The following PDE4D variants were observed in gnomAD, a reference collection of about 807,000 sequenced individuals.
PDE4D encodes 3',5'-cyclic-AMP phosphodiesterase 4D.
Under a neutral mutation model 87.4 loss-of-function variants are expected in PDE4D, and 24 were observed. The observed-to-expected ratio is 0.27, with a 90% CI of 0.20 to 0.39. The LOEUF (loss-of-function observed/expected upper bound fraction) is 0.39. Ranked by LOEUF, PDE4D falls within the 10% of genes least tolerant of loss-of-function variation. The pLI is 1.00. For synonymous variants in PDE4D, 384 were observed against 383.2 expected (o/e 1.00, Z -0.02); for missense variants, 714 against 1,041.0 (o/e 0.69, Z 4.32).
At chr5:59,714,607 T>C (rs1384557190) in intron 1 of PDE4D, among the ~76,000 whole-genome samples, 1 of 152,238 alleles carries the variant, frequency 6.6e-6, no homozygotes, top group African/African-American at 2.4e-5. Flanking sequence ...TGATGGAATT[T>C]GGACAGTGCC....
chr5:60,255,688 T>C (rs1469280373), intron 1 of PDE4D, among the ~76,000 whole-genome samples: 1 of 151,748 alleles, frequency 6.6e-6, no homozygotes. Flanking sequence ...TATCACCAAC[T>C]ACTCAAAAGT....
intron 3 of PDE4D, among the ~76,000 whole-genome samples, chr5:59,906,270 G>C (rs1396517317): frequency 2.0e-5 from 3 of 152,092 alleles, no homozygotes; most frequent in Non-Finnish European, 4.4e-5. Flanking sequence ...GATACAGTGT[G>C]GGTCAGGTTC....
chr5:60,458,152 A>G (rs753570670), intron 1 of PDE4D, among the ~76,000 whole-genome samples: 7 of 152,154 alleles, frequency 4.6e-5, no homozygotes, highest in Non-Finnish European at 1.0e-4. Context: ...TGGGAGGCCA[A>G]GGCGGGTGGA....
intron 1 of PDE4D, among the ~76,000 whole-genome samples, chr5:60,257,875 G>C (rs1290031986): frequency 6.6e-6 from 1 of 151,936 alleles, no homozygotes; most frequent in Non-Finnish European, 1.5e-5. Context: ...CAGACAAGCT[G>C]TTATCAATTT....
chr5:59,136,461 T>C (rs1429723730), intron 5 of PDE4D, among the ~76,000 whole-genome samples: 1 of 152,218 alleles, frequency 6.6e-6, no homozygotes, highest in African/African-American at 2.4e-5. Context: ...GTATTAATTG[T>C]AGTAAAAACT....
At chr5:59,290,458 G>A (rs1276471360) in intron 1 of PDE4D, among the ~76,000 whole-genome samples, 1 of 151,952 alleles carries the variant, frequency 6.6e-6, no homozygotes, top group Non-Finnish European at 1.5e-5. Flanking sequence ...CTAAGACTCT[G>A]AACTATGAAA....
In PDE4D at chr5:58,972,009, AAG is replaced by A. The variant is rs200998520; in HGVS notation, c.*2653_*2654del. 96 of 152,060 alleles carry A rather than the reference AAG, an allele frequency of 6.3e-4. No individual in the cohort carries two copies. The highest frequency in any genetic ancestry group is 9.4e-4 in the Non-Finnish European group (64 of 67,794). The allele number at this position is 152,060 out of a possible 1,614,324, so 9.4% of individuals were successfully genotyped here. On this transcript the variant is annotated 3_prime_UTR_variant, in exon 15 of 15. Coordinates refer to ENST00000340635, the MANE Select transcript of PDE4D (RefSeq NM_001104631.2). Reference sequence around the variant, plus strand: ...GTACCATTAAAAACCAACAAACTGGAAGAAAAAAAAAGAGCCTCTCTTTATTA... The same window carrying A: ...GTACCATTAAAAACCAACAAACTGGAAAAAAAAAAGAGCCTCTCTTTATTA...
chr5:60,498,537 A>G (rs1186568287), intron 1 of PDE4D, among the ~76,000 whole-genome samples: 1 of 152,198 alleles, frequency 6.6e-6, no homozygotes, highest in African/African-American at 2.4e-5. Flanking sequence ...GATGGCCAGC[A>G]TCCTAGCTGC....
At chr5:60,129,451 C>T (rs1039762390) in intron 2 of PDE4D, among the ~76,000 whole-genome samples, 1 of 152,150 alleles carries the variant, frequency 6.6e-6, no homozygotes, top group East Asian at 1.9e-4. Context: ...CAACATCTTT[C>T]AGGTTTAATT....
chr5:60,192,300 T>C (rs1286961572), intron 1 of PDE4D, among the ~76,000 whole-genome samples: 1 of 152,152 alleles, frequency 6.6e-6, no homozygotes, highest in Non-Finnish European at 1.5e-5. Context: ...GAAAATGGTG[T>C]ATATATAATT....
intron 1 of PDE4D, among the ~76,000 whole-genome samples, chr5:59,365,864 G>C (rs1393361000): frequency 6.6e-6 from 1 of 152,096 alleles, no homozygotes. Context: ...CGGTCCCTTT[G>C]AATCCTTCTT....
intron 2 of PDE4D, among the ~76,000 whole-genome samples, chr5:59,198,767 C>A (rs1746058331): frequency 6.6e-6 from 1 of 152,060 alleles, no homozygotes; most frequent in African/African-American, 2.4e-5. Flanking sequence ...TATTATTTAT[C>A]ACGTTATTTT....
chr5:59,413,604 G>A (rs1325141201), intron 1 of PDE4D, among the ~76,000 whole-genome samples: 2 of 152,032 alleles, frequency 1.3e-5, no homozygotes, highest in African/African-American at 2.4e-5. Flanking sequence ...ACAATTGCAT[G>A]TAGATAAAGA....
rs530210183 is a variant in PDE4D at position 60,039,432 on chromosome 5, T to C, written c.43-50715A>G. Among the ~76,000 whole-genome samples the C allele has an allele frequency of 3.6e-5, 5 of 139,576 alleles. No individual in the cohort carries two copies. The Admixed American group carries it at 3.7e-4, about 10-fold the overall frequency. The allele number at this position is 139,576 out of a possible 152,430, so 91.6% of individuals were successfully genotyped here. On this transcript the variant is annotated intron_variant, in intron 2 of 16. Transcript: ENST00000502484. ...GGGGAACATCACACACTGGGGACTG[T>C]TGTGGGGTGGTGGGAGGGGGGAGGG...
rs189373053 is a variant in PDE4D at position 59,925,011 on chromosome 5, T to C, written c.272+63477A>G. Among the ~76,000 whole-genome samples the C allele has an allele frequency of 4.6e-3, 693 of 151,600 alleles. 17 individuals carry two copies. The East Asian group carries it at 0.085, about 19-fold the overall frequency. Reference sequence around the variant, plus strand: ...TAACATGGTGAAACCCCGTCTCTACTAAAAATACAAAAAATTAGCTGGGTG... The same window carrying C: ...TAACATGGTGAAACCCCGTCTCTACCAAAAATACAAAAAATTAGCTGGGTG... On this transcript the variant is annotated intron_variant, in intron 3 of 16. Transcript: ENST00000502484.
At chr5:60,153,024 C>G (rs575720776) in intron 2 of PDE4D, among the ~76,000 whole-genome samples, 4 of 152,248 alleles carry the variant, frequency 2.6e-5, no homozygotes, top group African/African-American at 9.6e-5. Context: ...TGAAACTAGA[C>G]AAGTGGGACT....
Position 59,248,784 on chromosome 5 carries a change from A to G in PDE4D, c.456-32816T>C, listed in dbSNP as rs1759369379. On this transcript the variant is annotated intron_variant, in intron 1 of 14. Transcript: ENST00000340635. ...ATCTGTGACACAAAGCAATAAGCAA[A>G]GTAGGGCACATGTAACAAATGGTCC... 2.6e-5 allele frequency among the ~76,000 whole-genome samples: 4 copies of G among 152,316 alleles called. No homozygotes were observed. The South Asian group carries it at 8.3e-4, about 32-fold the overall frequency.
intron 5 of PDE4D, among the ~76,000 whole-genome samples, chr5:59,049,166 T>C (rs949484690): frequency 6.6e-6 from 1 of 152,234 alleles, no homozygotes; most frequent in African/African-American, 2.4e-5. Flanking sequence ...CTTCTGCCTG[T>C]ATGACTTTTC....
At chr5:60,393,194 G>C (rs138515084) in intron 1 of PDE4D, among the ~76,000 whole-genome samples, 12 of 152,258 alleles carry the variant, frequency 7.9e-5, no homozygotes, top group African/African-American at 2.9e-4. Flanking sequence ...TGAGCCTCAA[G>C]ACACAACCAA....
Sources: gnomAD v4.1 joint callset for allele counts (sites outside exome capture counted in the v4.1 genomes callset) on GRCh38, gnomAD v4.1.1 for gene constraint, MANE v1.5 for transcripts, NCBI Gene and HGNC (gene_info 2026-07-23, HGNC 2026-07-21) for gene names.